TTC8: variants seen among roughly 807,000 people sequenced by gnomAD.
The protein encoded by TTC8 is tetratricopeptide repeat protein 8.
Under a neutral mutation model 72.5 loss-of-function variants are expected in TTC8, and 47 were observed. The observed-to-expected ratio is 0.65, with a 90% confidence interval of 0.51 to 0.83. The LOEUF is 0.83. Ranked by LOEUF, TTC8 falls within the 40% of genes least tolerant of loss-of-function variation. TTC8 has a pLI of 0.00. For synonymous variants in TTC8, 199 were observed against 221.4 expected (o/e 0.90, Z 0.90); for missense variants, 611 against 623.2 (o/e 0.98, Z 0.21).
At chr14:88,840,433 T>C (rs2094774639) in intron 3 of TTC8, among the ~76,000 whole-genome samples, 1 of 152,204 alleles carries the variant, frequency 6.6e-6, no homozygotes, top group Admixed American at 6.5e-5. Context: ...ACCATTATTT[T>C]GTTCTTTTAG....
intron 1 of TTC8, among the ~76,000 whole-genome samples, chr14:88,831,657 A>AAAAATGTT (rs1302345542): frequency 6.9e-6 from 1 of 145,336 alleles, no homozygotes; most frequent in African/African-American, 2.5e-5. Flanking sequence ...GGTAAGTGAT[A>AAAAATGTT]AAAAATGTTA....
rs747963360 is a variant in TTC8 at position 88,824,705 on chromosome 14, G to T, written c.-3G>T. On this transcript the variant is annotated 5_prime_UTR_variant, in exon 1 of 15. Coordinates refer to ENST00000380656, the MANE Select transcript of TTC8 (RefSeq NM_144596.4). ...TGGGCCTTCGCTGGCCGCACCGGCA[G>T]CCATGAGCTCGGAGATGGAGCCGCT... is the stretch of plus-strand genomic sequence containing the variant. 9 of 1,604,378 alleles carry T rather than the reference G, an allele frequency of 5.6e-6. No individual in the cohort carries two copies. Among genetic ancestry groups the T allele is most frequent in the Non-Finnish European group, 7.7e-6 (9 of 1,175,998 alleles).
chr14:88,878,705 TTA>T (rs1447904136), downstream of TTC8: 2 of 152,206 alleles, frequency 1.3e-5, no homozygotes, highest in African/African-American at 4.8e-5. Flanking sequence ...TAGTCAATAT[TTA>T]GATTCAAATG....
intron 9 of TTC8, among the ~76,000 whole-genome samples, chr14:88,860,845 T>C (rs1370215097): frequency 9.9e-5 from 15 of 151,980 alleles, no homozygotes; most frequent in Admixed American, 9.8e-4. Flanking sequence ...TTCACTCTGT[T>C]GCCCAGGCTG....
chr14:88,833,835 T>G, intron 2 of TTC8, 113 bp downstream of exon 2: 1 of 922,262 alleles, frequency 1.1e-6, no homozygotes, highest in Non-Finnish European at 1.8e-6. Flanking sequence ...GTTTATAAAA[T>G]TAGCCATATC....
intron 1 of TTC8, among the ~76,000 whole-genome samples, chr14:88,832,211 C>T (rs185626820): frequency 1.3e-5 from 2 of 152,318 alleles, no homozygotes; most frequent in East Asian, 3.9e-4. Flanking sequence ...ACAGAGAGAT[C>T]GCGGAGACTT....
In TTC8 at chr14:88,872,368, G is replaced by A. The variant is rs914531409; in HGVS notation, c.1263G>A (p.Arg421=). The change falls in exon 13 of 15, where the codon AGG becomes AGA. Residue 421 remains arginine, a synonymous_variant. Coordinates refer to ENST00000380656, the MANE Select transcript of TTC8 (RefSeq NM_144596.4). ...CAAATTTGGCCCATCAGTGCTTCAG[G>A]CTGGCTCTGGTCAACAACAACAACC... ...GDTNLAHQCF[R]LALVNNNNHA... 1 of 1,613,898 alleles carries A rather than the reference G, an allele frequency of 6.2e-7. No homozygotes were observed. The highest frequency in any genetic ancestry group is 8.5e-7 in the Non-Finnish European group (1 of 1,179,884).
chr14:88,872,367 G>A lies in TTC8; in HGVS notation c.1262G>A (p.Arg421Lys). 1 of 1,613,930 alleles carries A rather than the reference G, an allele frequency of 6.2e-7. No individual in the cohort carries two copies. Among genetic ancestry groups the A allele is most frequent in the African/African-American group, 1.3e-5 (1 of 75,000 alleles). Residue 421 changes from arginine to lysine, a missense_variant, in exon 13 of 15, where the codon AGG (arginine) becomes AAG (lysine). Coordinates refer to ENST00000380656, the MANE Select transcript of TTC8 (RefSeq NM_144596.4). ...ACAAATTTGGCCCATCAGTGCTTCA[G>A]GCTGGCTCTGGTCAACAACAACAAC... ...GDTNLAHQCF[R>K]LALVNNNNHA...
In TTC8 at chr14:88,875,037, A is replaced by G. The variant is rs1414250027; in HGVS notation, c.1359A>G (p.Leu453=). 6.2e-6 allele frequency: 10 copies of G among 1,612,468 alleles called. No individual in the cohort carries two copies. The highest frequency in any genetic ancestry group is 6.8e-6 in the Non-Finnish European group (8 of 1,179,472). ...RKGHVEQARA[L]LQTASSLAPH... ...ATTTTTATACACAGGCAAGGGCACT[A>G]TTACAAACTGCATCATCATTAGCAC... The change falls in exon 14 of 15, where the codon CTA becomes CTG. Residue 453 remains leucine (L), a synonymous_variant. Coordinates refer to ENST00000380656, the MANE Select transcript of TTC8 (RefSeq NM_144596.4).
intron 1 of TTC8, among the ~76,000 whole-genome samples, chr14:88,825,935 A>G (rs1465633865): frequency 6.6e-6 from 1 of 151,970 alleles, no homozygotes; most frequent in Non-Finnish European, 1.5e-5. Context: ...ATAGGACTAT[A>G]TTTCTGTAGA....
Position 88,875,144 on chromosome 14 carries a change from T to G in TTC8, c.1431+35T>G, listed in dbSNP as rs1167562582. The stretch of plus-strand genomic sequence containing the variant: ...TTCTTCATTAATTTATCATCTGATC[T>G]GTTCTTTTTTTTTCTTTGTTTTAAA... On this transcript the variant is annotated intron_variant, in intron 14 of 14. Transcript: ENST00000380656. The G allele has an allele frequency of 2.6e-6, 4 of 1,542,326 alleles. No individual in the cohort carries two copies. The Admixed American group carries it at 6.8e-5, about 26-fold the overall frequency.
Position 88,871,623 on chromosome 14 carries a change from A to C in TTC8, c.1124A>C (p.Gln375Pro), listed in dbSNP as rs774216735. 1.1e-5 allele frequency: 18 copies of C among 1,614,168 alleles called. No individual in the cohort carries two copies. In the South Asian group the frequency reaches 1.9e-4, roughly 17 times the overall value. Residue 375 changes from glutamine (Q) to proline (P), a missense_variant, in exon 12 of 15, where the codon CAG (glutamine) becomes CCG (proline). Physicochemically the swap from Gln to Pro is moderately conservative, Grantham distance 76. Coordinates refer to ENST00000380656, the MANE Select transcript of TTC8 (RefSeq NM_144596.4). The surrounding 1 kb of genome is among the most constrained non-coding windows in gnomAD (Gnocchi z 4.1). ...GGGCTGTGTTGCTTCTATGCCCAGC[A>C]GTATGATATGACTCTGACCTCATTT... ...NLGLCCFYAQQYDMTLTSFER... is the reference protein window; with the variant it reads ...NLGLCCFYAQPYDMTLTSFER...
chr14:88,841,358 A>G, intron 5 of TTC8, 67 bp from the exon 6 acceptor site: 2 of 1,601,404 alleles, frequency 1.2e-6, no homozygotes, highest in South Asian at 1.1e-5. Flanking sequence ...ATTTTTATGC[A>G]TATTAAACTT....
intron 1 of TTC8, 23 bp downstream of exon 1, chr14:88,824,844 C>T (rs779172171): frequency 4.9e-5 from 78 of 1,586,598 alleles, no homozygotes; most frequent in Admixed American, 2.0e-4. Context: ...TCCCGTCAGC[C>T]TGTGCATCCT....
chr14:88,839,422 A>T (rs1362707405), intron 2 of TTC8, 30 bp from the exon 3 acceptor site: 1 of 1,609,626 alleles, frequency 6.2e-7, no homozygotes, highest in South Asian at 1.1e-5. Flanking sequence ...TGCTATTTTA[A>T]TATATGTTTT....
At chr14:88,831,201 G>A (rs1023991707) in intron 1 of TTC8, among the ~76,000 whole-genome samples, 1 of 152,136 alleles carries the variant, frequency 6.6e-6, no homozygotes, top group African/African-American at 2.4e-5. Flanking sequence ...TGCCATGACA[G>A]TTTAAAAGTG....
intron 9 of TTC8, among the ~76,000 whole-genome samples, chr14:88,858,124 G>C (rs2094865942): frequency 6.6e-6 from 1 of 152,036 alleles, no homozygotes. Context: ...ACCATGCCTA[G>C]CTAATTTTTG....
chr14:88,850,970 C>G (rs990862199), intron 7 of TTC8, among the ~76,000 whole-genome samples: 1 of 152,094 alleles, frequency 6.6e-6, no homozygotes, highest in Admixed American at 6.5e-5. Flanking sequence ...CTGTACATCT[C>G]GAAGCCATGG....
At chr14:88,831,142 A>T (rs1008729765) in intron 1 of TTC8, 6 of 227,612 alleles carry the variant, frequency 2.6e-5, no homozygotes, top group Admixed American at 2.6e-4. Context: ...AAGGAAAGCG[A>T]CCCCTCGCTG....
Sources: allele counts gnomAD v4.1 joint callset (sites outside exome capture counted in the v4.1 genomes callset), GRCh38; gene constraint gnomAD v4.1.1; non-coding constraint Gnocchi (gnomAD v3.1); transcripts MANE v1.5; gene names NCBI Gene and HGNC (gene_info 2026-07-23, HGNC 2026-07-21).